The following METAP2 variants were observed in gnomAD, a reference collection of about 807,000 sequenced individuals.
METAP2 encodes methionyl aminopeptidase 2, also known as methionine aminopeptidase 2.
Under a neutral mutation model 59.4 loss-of-function variants are expected in METAP2, and 25 were observed. The ratio of observed to expected loss-of-function variants is 0.42; its 90% CI spans 0.31 to 0.59. The LOEUF is 0.59. Ranked by LOEUF, METAP2 falls within the 20% of genes least tolerant of loss-of-function variation. The pLI is 0.16. For synonymous variants in METAP2, 214 were observed against 194.1 expected, an observed-to-expected ratio of 1.10 and a Z score of -0.85; for missense variants, 366 against 581.2, an observed-to-expected ratio of 0.63 and a Z score of 3.81.
chr12:95,483,375 C>A, intron 3 of METAP2, 95 bp downstream of exon 3: 1 of 911,968 alleles, frequency 1.1e-6, no homozygotes, highest in Non-Finnish European at 1.7e-6. Flanking sequence ...ACTCCGGAGG[C>A]TGAGGCAGGA....
At chr12:95,484,936 T>A in intron 3 of METAP2, 1 of 447,088 alleles carries the variant, frequency 2.2e-6, no homozygotes, top group Admixed American at 2.5e-5. Flanking sequence ...TTTATTTGTT[T>A]ATTTTTTATA....
intron 8 of METAP2, among the ~76,000 whole-genome samples, chr12:95,509,738 A>G (rs2076387552): frequency 6.6e-6 from 1 of 152,044 alleles, no homozygotes; most frequent in Non-Finnish European, 1.5e-5. Context: ...AGTTTGTAAC[A>G]TACTTGTTCA....
intron 7 of METAP2, among the ~76,000 whole-genome samples, chr12:95,502,861 A>T (rs2076326759): frequency 6.7e-6 from 1 of 148,600 alleles, no homozygotes; most frequent in African/African-American, 2.5e-5. Flanking sequence ...TGAATTTTTC[A>T]TTTCAGTTAC....
At position 95,511,999 on chromosome 12, in the gene METAP2, G is replaced by C; in HGVS notation, c.1068+1G>C. ...AGGAGGGGAGGCAACAAGAATGGAG[G>C]TATGTGTGTCACTAACATTTTACTT... On this transcript the variant is annotated splice_donor_variant, in intron 9 of 10. Transcript: ENST00000323666. LOFTEE classifies it high-confidence loss of function. 6.2e-7 allele frequency: 1 copy of C among 1,602,936 alleles called. No individual in the cohort carries two copies. Among genetic ancestry groups the C allele is most frequent in the Non-Finnish European group, 8.5e-7 (1 of 1,170,526 alleles).
chr12:95,514,193 C>T lies in METAP2; in HGVS notation c.*289C>T, dbSNP rs1202535333. ...GACTTATACGTTTTGTTTTGAATAC[C>T]TAAGAGATACTTTTTGGATATTTAT... On this transcript the variant is annotated 3_prime_UTR_variant, in exon 11 of 11. Coordinates refer to ENST00000323666, the MANE Select transcript of METAP2 (RefSeq NM_006838.4). The T allele has an allele frequency of 8.6e-6, 3 of 350,424 alleles. No individual in the cohort carries two copies. Among genetic ancestry groups the T allele is most frequent in the Non-Finnish European group, 1.5e-5 (3 of 196,144 alleles). 21.7% of individuals were successfully genotyped at this position (350,424 alleles called of 1,614,324 possible).
intron 8 of METAP2, among the ~76,000 whole-genome samples, chr12:95,509,741 C>G (rs913214704): frequency 6.6e-6 from 1 of 151,856 alleles, no homozygotes; most frequent in African/African-American, 2.4e-5. Flanking sequence ...TTGTAACATA[C>G]TTGTTCATTG....
At chr12:95,502,776 T>A (rs2076326102) in intron 7 of METAP2, among the ~76,000 whole-genome samples, 1 of 152,040 alleles carries the variant, frequency 6.6e-6, no homozygotes. Context: ...TTAGACTTGG[T>A]GATTTCCCTT....
chr12:95,503,576 A>G (rs926462607), intron 7 of METAP2, among the ~76,000 whole-genome samples: 45 of 152,306 alleles, frequency 3.0e-4, no homozygotes, highest in African/African-American at 1.0e-3. Context: ...ATCTGCGCCT[A>G]TGTGACCAGA....
rs185619004 is a variant in METAP2, at chr12:95,491,028, A to G, written c.429-3028A>G. Among the ~76,000 whole-genome samples, 65 of 151,232 alleles carry G rather than the reference A, an allele frequency of 4.3e-4. 1 individual carries two copies. The East Asian group carries it at 5.6e-3, about 13-fold the overall frequency. On this transcript the variant is annotated intron_variant, in intron 4 of 10. Coordinates refer to ENST00000323666, the MANE Select transcript of METAP2 (RefSeq NM_006838.4). ...GCTACATTAGATGTAATCTCAGGCT[A>G]TCCTACTGTTAGTTTTATTGTGTTT...
In METAP2 at chr12:95,514,093, C is replaced by T. The variant is rs187301815; in HGVS notation, c.*189C>T. The T allele has an allele frequency of 2.8e-4, 172 of 612,878 alleles. No homozygotes were observed. In the African/African-American group the frequency reaches 3.1e-3, roughly 11 times the overall value. The allele number at this position is 612,878 out of a possible 1,614,324, so 38.0% of individuals were successfully genotyped here. A position where few individuals can be genotyped will look rare whatever the true frequency, so the allele number is the denominator to read the frequency against. On this transcript the variant is annotated 3_prime_UTR_variant, in exon 11 of 11. Coordinates refer to ENST00000323666, the MANE Select transcript of METAP2 (RefSeq NM_006838.4). ...TGTAATTAACCAACGAAAAAGCTTTCCGGACTTTTAAATGCTAACTGTTTT... is the reference window on the plus strand; with the variant it reads ...TGTAATTAACCAACGAAAAAGCTTTTCGGACTTTTAAATGCTAACTGTTTT...
chr12:95,483,526 A>G (rs1181316007), intron 3 of METAP2: 1 of 363,636 alleles, frequency 2.7e-6, no homozygotes, highest in Non-Finnish European at 5.0e-6. Context: ...ACAGGTTTGA[A>G]GAGTAGGTTT....
chr12:95,503,517 T>C (rs1298970876), intron 7 of METAP2, among the ~76,000 whole-genome samples: 2 of 152,110 alleles, frequency 1.3e-5, no homozygotes, highest in Non-Finnish European at 2.9e-5. Context: ...GTGTAAGCGC[T>C]GAGGTGTGCA....
chr12:95,502,809 G>A (rs2076326334), intron 7 of METAP2, among the ~76,000 whole-genome samples: 1 of 149,696 alleles, frequency 6.7e-6, no homozygotes, highest in South Asian at 2.1e-4. Context: ...AGGTTTGCTG[G>A]TTCTTTTTTT....
intron 9 of METAP2, 72 bp downstream of exon 9, chr12:95,512,070 A>T: frequency 9.4e-7 from 1 of 1,067,070 alleles, no homozygotes; most frequent in South Asian, 1.4e-5. Flanking sequence ...CATGGTAGTT[A>T]AATATATGGT....
intron 9 of METAP2, among the ~76,000 whole-genome samples, chr12:95,512,318 C>T (rs1237314263): frequency 9.0e-4 from 137 of 152,222 alleles, no homozygotes; most frequent in African/African-American, 3.2e-3. Flanking sequence ...GCAGAAAGAC[C>T]AAAAAGTGCT....
At chr12:95,507,995 C>A (rs1363719636) in intron 8 of METAP2, among the ~76,000 whole-genome samples, 1 of 145,674 alleles carries the variant, frequency 6.9e-6, no homozygotes, top group Non-Finnish European at 1.5e-5. Flanking sequence ...GTTGGTCAGG[C>A]GGTCTTGAAC....
Position 95,495,986 on chromosome 12 carries a change from A to G in METAP2, c.773-18A>G. ...ACTAGCTGATAAGTAAAATTAAAAG[A>G]GGAATTTTCTCTTTCAGGTAGGATT... On this transcript the variant is annotated intron_variant, in intron 6 of 10. Transcript: ENST00000323666. 1 of 1,429,852 alleles carries G rather than the reference A, an allele frequency of 7.0e-7. No homozygotes were observed. The highest frequency in any genetic ancestry group is 9.8e-7 in the Non-Finnish European group (1 of 1,025,450). 88.6% of individuals were successfully genotyped at this position (1,429,852 alleles called of 1,614,324 possible).
chr12:95,503,303 T>C (rs1291048562), intron 7 of METAP2, among the ~76,000 whole-genome samples: 3 of 152,188 alleles, frequency 2.0e-5, no homozygotes, highest in African/African-American at 7.2e-5. Context: ...TTCTCAGGTC[T>C]TTCCCTGGGC....
At chr12:95,499,772 C>G (rs2076301763) in intron 7 of METAP2, among the ~76,000 whole-genome samples, 1 of 152,066 alleles carries the variant, frequency 6.6e-6, no homozygotes, top group South Asian at 2.1e-4. Flanking sequence ...GTTTAATTAT[C>G]CACAGTTCCA....
Sources: gnomAD v4.1 joint callset for allele counts (sites outside exome capture counted in the v4.1 genomes callset) on GRCh38, gnomAD v4.1.1 for gene constraint, MANE v1.5 for transcripts, NCBI Gene and HGNC (gene_info 2026-07-23, HGNC 2026-07-21) for gene names.